Variants in GCH1 observed in about 807,000 individuals in gnomAD.
The protein encoded by GCH1 is GTP cyclohydrolase I.
A neutral mutation model predicts 25.9 loss-of-function variants in GCH1; 5 were observed. The observed-to-expected ratio is 0.19, with a 90% confidence interval of 0.10 to 0.41. The LOEUF (loss-of-function observed/expected upper bound fraction) is 0.41. Among genes scored for constraint, GCH1 ranks in the 10% least tolerant of loss-of-function variants. The pLI, the probability that GCH1 is intolerant of heterozygous loss-of-function variation, is 1.00. For missense variants in GCH1, 261 were observed against 336.5 expected, an observed-to-expected ratio of 0.78 and a Z score of 1.75; for synonymous variants, 159 against 129.6, an observed-to-expected ratio of 1.23 and a Z score of -1.54.
In GCH1 at chr14:54,842,911, C is replaced by T; in HGVS notation, c.*1106G>A. On this transcript the variant is annotated 3_prime_UTR_variant, in exon 6 of 6. Transcript: ENST00000491895. ...AGACCCACATAGACCACAAAGGAAACCGGGACCAGAAGCTTCCAGTGCATT... is the reference window on the plus strand; with the variant it reads ...AGACCCACATAGACCACAAAGGAAATCGGGACCAGAAGCTTCCAGTGCATT... 1.6e-6 allele frequency: 1 copy of T among 610,076 alleles called. No homozygotes were observed. The highest frequency in any genetic ancestry group is 2.3e-5 in the South Asian group (1 of 43,068). 37.8% of individuals were successfully genotyped at this position (610,076 alleles called of 1,614,324 possible). A position where few individuals can be genotyped will look rare whatever the true frequency, so the allele number is the denominator to read the frequency against.
At chr14:54,889,425 G>A (rs1030428410) in intron 1 of GCH1, among the ~76,000 whole-genome samples, 1 of 152,166 alleles carries the variant, frequency 6.6e-6, no homozygotes, top group African/African-American at 2.4e-5. Flanking sequence ...CTATTGAACT[G>A]AGTTCTGATT....
chr14:54,875,854 C>G (rs2040151751), intron 1 of GCH1, among the ~76,000 whole-genome samples: 1 of 152,136 alleles, frequency 6.6e-6, no homozygotes, highest in Non-Finnish European at 1.5e-5. Flanking sequence ...ACAACAGGTG[C>G]TGGAGAGAAT....
In GCH1 at chr14:54,843,867, T is replaced by C. The variant is rs1232681744; in HGVS notation, c.*150A>G. 6.2e-7 allele frequency: 1 copy of C among 1,610,022 alleles called. No individual in the cohort carries two copies. Among genetic ancestry groups the C allele is most frequent in the Non-Finnish European group, 8.5e-7 (1 of 1,177,112 alleles). Reference sequence around the variant, plus strand: ...CAACCCTTTATTATATTTATTTGACTTCCTAGAAATAATTTTAAATATAAT... The same window carrying C: ...CAACCCTTTATTATATTTATTTGACCTCCTAGAAATAATTTTAAATATAAT... On this transcript the variant is annotated 3_prime_UTR_variant, in exon 6 of 6. Coordinates refer to ENST00000491895, the MANE Select transcript of GCH1 (RefSeq NM_000161.3).
Position 54,875,148 on chromosome 14 carries a change from C to G in GCH1, c.344-9712G>C, listed in dbSNP as rs547478865. Among the ~76,000 whole-genome samples, 17 of 152,210 alleles carry G rather than the reference C, an allele frequency of 1.1e-4. No homozygotes were observed. The South Asian group carries it at 1.7e-3, about 15-fold the overall frequency. ...AGATATAGACCAATGGAACAGAACACAGCCCTCAGAAGTAATGCCGCATAT... is the reference window on the plus strand; with the variant it reads ...AGATATAGACCAATGGAACAGAACAGAGCCCTCAGAAGTAATGCCGCATAT... On this transcript the variant is annotated intron_variant, in intron 1 of 5. Transcript: ENST00000491895.
chr14:54,859,124 C>A, intron 3 of GCH1: 1 of 158,366 alleles, frequency 6.3e-6, no homozygotes, highest in Non-Finnish European at 1.4e-5. Context: ...CTGCAGGACC[C>A]CTGAGATATG....
chr14:54,860,371 G>A (rs187995816), intron 2 of GCH1, among the ~76,000 whole-genome samples: 74 of 152,012 alleles, frequency 4.9e-4, no homozygotes, highest in Non-Finnish European at 9.3e-4. Flanking sequence ...CCTTTAAATG[G>A]CAAAAACTGT....
intron 2 of GCH1, among the ~76,000 whole-genome samples, chr14:54,861,396 A>C (rs1464115368): frequency 6.6e-6 from 1 of 152,120 alleles, no homozygotes; most frequent in Non-Finnish European, 1.5e-5. Flanking sequence ...TGTTTATACT[A>C]TTTTTGGTCT....
chr14:54,851,820 C>A (rs2039735364), intron 3 of GCH1, among the ~76,000 whole-genome samples: 1 of 152,202 alleles, frequency 6.6e-6, no homozygotes, highest in Non-Finnish European at 1.5e-5. Context: ...TGTGGCGATT[C>A]CTCAGGGATC....
chr14:54,872,435 T>C (rs1440561768), intron 1 of GCH1, among the ~76,000 whole-genome samples: 1 of 152,110 alleles, frequency 6.6e-6, no homozygotes, highest in Non-Finnish European at 1.5e-5. Flanking sequence ...AAAAACTGCA[T>C]CAACTAACGA....
intron 2 of GCH1, among the ~76,000 whole-genome samples, chr14:54,862,040 C>G (rs1472333825): frequency 2.0e-5 from 3 of 151,948 alleles, no homozygotes; most frequent in South Asian, 4.2e-4. Context: ...CTCTTCTTTT[C>G]TTTTTAGAGA....
intron 3 of GCH1, among the ~76,000 whole-genome samples, chr14:54,850,936 C>T (rs113728489): frequency 1.3e-5 from 2 of 152,318 alleles, no homozygotes; most frequent in African/African-American, 4.8e-5. Flanking sequence ...CCACAATAAA[C>T]ATACGTGTGC....
chr14:54,854,509 C>T (rs1416634597), intron 3 of GCH1, among the ~76,000 whole-genome samples: 1 of 151,572 alleles, frequency 6.6e-6, no homozygotes, highest in Non-Finnish European at 1.5e-5. Context: ...ATAATGTGGC[C>T]ATACAAGTAC....
At chr14:54,890,219 C>T (rs552427763) in intron 1 of GCH1, among the ~76,000 whole-genome samples, 2 of 152,308 alleles carry the variant, frequency 1.3e-5, no homozygotes, top group South Asian at 2.1e-4. Context: ...ATAACCAGGC[C>T]GGGAGCGGTG....
chr14:54,887,983 T>C (rs2040375175), intron 1 of GCH1, among the ~76,000 whole-genome samples: 1 of 152,196 alleles, frequency 6.6e-6, no homozygotes, highest in Non-Finnish European at 1.5e-5. Flanking sequence ...GCTTTATTAA[T>C]AAACTAAAAC....
chr14:54,891,684 G>A (rs890551439), intron 1 of GCH1, among the ~76,000 whole-genome samples: 1 of 151,992 alleles, frequency 6.6e-6, no homozygotes, highest in African/African-American at 2.4e-5. Context: ...TGCTGGAACT[G>A]CAGGCATGAG....
rs866010535 is a variant in GCH1 at position 54,902,719 on chromosome 14, C to T, written c.-56G>A. 1.7e-4 allele frequency: 240 copies of T among 1,394,416 alleles called. 4 individuals are homozygous for T. The South Asian group carries it at 2.7e-3, about 16-fold the overall frequency. The allele number at this position is 1,394,416 out of a possible 1,614,324, so 86.4% of individuals were successfully genotyped here. A position where few individuals can be genotyped will look rare whatever the true frequency, so the allele number is the denominator to read the frequency against. ...GGACCCCGGGGCGCTTCGAGGTCTG[C>T]GGCTAAACTCCGCCGGTGGCCGCGG... On this transcript the variant is annotated 5_prime_UTR_variant, in exon 1 of 6. Coordinates refer to ENST00000491895, the MANE Select transcript of GCH1 (RefSeq NM_000161.3).
rs573833215 is a variant in GCH1 at position 54,867,471 on chromosome 14, C to T, written c.344-2035G>A. 2.2e-3 allele frequency among the ~76,000 whole-genome samples: 332 copies of T among 151,682 alleles called. 1 individual carries two copies. The highest frequency in any genetic ancestry group is 7.5e-3 in the African/African-American group (310 of 41,318). On this transcript the variant is annotated intron_variant, in intron 1 of 5. Coordinates refer to ENST00000491895, the MANE Select transcript of GCH1 (RefSeq NM_000161.3). Reference sequence around the variant, plus strand: ...GGCGTGGTGGTGCATGCCTGTAGTCCCAGCTACTCGGGGGGCTGAGACAGG... The same window carrying T: ...GGCGTGGTGGTGCATGCCTGTAGTCTCAGCTACTCGGGGGGCTGAGACAGG...
At chr14:54,872,572 G>C (rs963984018) in intron 1 of GCH1, among the ~76,000 whole-genome samples, 10 of 152,156 alleles carry the variant, frequency 6.6e-5, no homozygotes, top group African/African-American at 1.9e-4. Context: ...AAAAAGTCAA[G>C]ACCCATCAGT....
intron 2 of GCH1, among the ~76,000 whole-genome samples, chr14:54,863,797 T>C (rs1454533995): frequency 1.3e-5 from 2 of 152,076 alleles, no homozygotes; most frequent in East Asian, 1.9e-4. Flanking sequence ...AGAAAAGAAA[T>C]GAGGTGAGCT....
Sources: allele counts gnomAD v4.1 joint callset (sites outside exome capture counted in the v4.1 genomes callset), GRCh38; gene constraint gnomAD v4.1.1; transcripts MANE v1.5; gene names NCBI Gene and HGNC (gene_info 2026-07-23, HGNC 2026-07-21).